TRMU: variants seen among roughly 807,000 people sequenced by gnomAD.
The protein encoded by TRMU is mitochondrial tRNA-specific 2-thiouridylase 1.
TRMU carries 49 observed loss-of-function variants against 46.9 expected under a neutral mutation model. That is an observed-to-expected ratio of 1.05 (90% CI 0.83 to 1.33). The LOEUF (loss-of-function observed/expected upper bound fraction) is 1.33, where lower values mean the gene tolerates loss of function less well. Among genes scored for constraint, TRMU ranks in the 40% most tolerant of loss-of-function variants. The probability of loss-of-function intolerance (pLI) is 0.00; values close to 1 mark genes in which losing one functional copy is unlikely to be tolerated. For missense variants in TRMU, 572 were observed against 532.4 expected, an observed-to-expected ratio of 1.07 and a Z score of -0.73; for synonymous variants, 241 against 200.9, an observed-to-expected ratio of 1.20 and a Z score of -1.69.
rs1369004612 is a variant in TRMU, at chr22:46,349,744, CA to C, written c.479-545del. ...CCTAACAGATGTCAGCTGAGACTCT[CA>C]ACAAAAAAACGTTTTTACCAAGAAA... is the stretch of plus-strand genomic sequence containing the variant. On this transcript the variant is annotated intron_variant, in intron 4 of 10. Coordinates refer to ENST00000645190, the MANE Select transcript of TRMU (RefSeq NM_018006.5). The surrounding 1 kb of genome is among the most constrained non-coding windows in gnomAD (Gnocchi z 4.6). Among the ~76,000 whole-genome samples the C allele has an allele frequency of 6.6e-6, 1 of 152,040 alleles. No homozygotes were observed. Among genetic ancestry groups the C allele is most frequent in the Admixed American group, 6.5e-5 (1 of 15,276 alleles).
chr22:46,349,569 G>A lies in TRMU; in HGVS notation c.479-722G>A, dbSNP rs973179469. On this transcript the variant is annotated intron_variant, in intron 4 of 10. Transcript: ENST00000645190. This position sits in a 1 kb window ranked among gnomAD's most constrained non-coding sequence, Gnocchi z 4.6. The stretch of plus-strand genomic sequence containing the variant: ...GAAAGAAGCCAGAAAACTGACGTTC[G>A]TCTTAGTTTTTTGCCATTGATCATT... 3.3e-5 allele frequency among the ~76,000 whole-genome samples: 5 copies of A among 152,206 alleles called. No homozygotes were observed. The highest frequency in any genetic ancestry group is 9.6e-5 in the African/African-American group (4 of 41,454).
intron 10 of TRMU, 136 bp downstream of exon 10, chr22:46,356,208 GCCACCAGCCCTGCCCTGGGGGCTCCTC>G: frequency 2.2e-6 from 2 of 921,458 alleles, no homozygotes; most frequent in Non-Finnish European, 3.4e-6. Flanking sequence ...AGGGCAGAGT[GCCACCAGCCCTGCCCTGGGGGCTCCTC>G]CCACAGTGAC....
chr22:46,356,153 G>A (rs1360317210), intron 10 of TRMU, 81 bp downstream of exon 10: 2 of 1,528,874 alleles, frequency 1.3e-6, no homozygotes, highest in African/African-American at 1.4e-5. Context: ...CAGAGGAAGG[G>A]GCTGAGGCCC....
At chr22:46,352,065 C>G in intron 5 of TRMU, 56 bp from the exon 6 acceptor site, 2 of 1,597,614 alleles carry the variant, frequency 1.3e-6, no homozygotes, top group South Asian at 2.2e-5. Flanking sequence ...CGTCTGGGTA[C>G]AGCTTGGGCC....
At chr22:46,356,148 G>T (rs1163877073) in intron 10 of TRMU, 76 bp downstream of exon 10, 57 of 1,553,856 alleles carry the variant, frequency 3.7e-5, no homozygotes, top group Non-Finnish European at 4.9e-5. Context: ...GGTTACAGAG[G>T]AAGGGGCTGA....
rs777781494 is a variant in TRMU at position 46,335,783 on chromosome 22, G to C, written c.19G>C (p.Val7Leu). 5.1e-6 allele frequency: 8 copies of C among 1,557,016 alleles called. No individual in the cohort carries two copies. The highest frequency in any genetic ancestry group is 1.4e-5 in the African/African-American group (1 of 73,494). MQALRH[V>L]VCALSGGVDS... is the part of the protein sequence containing the mutation. Reference sequence around the variant, plus strand: ...CTGGCGGATGCAGGCCTTGCGGCACGTCGTGTGCGCCCTGTCCGGCGGCGT... The same window carrying C: ...CTGGCGGATGCAGGCCTTGCGGCACCTCGTGTGCGCCCTGTCCGGCGGCGT... Residue 7 changes from valine (V) to leucine (L), a missense_variant, in exon 1 of 11, where the codon GTC becomes CTC. By Grantham distance (32) the Val-to-Leu change is conservative. Coordinates refer to ENST00000645190, the MANE Select transcript of TRMU (RefSeq NM_018006.5).
Position 46,346,420 on chromosome 22 carries a change from A to G in TRMU, c.356-2A>G, listed in dbSNP as rs148262493. Reference sequence around the variant, plus strand: ...GATCCTTGTGTTCTAAAAACCTCACAGGGGCAGATGCCATTGCCACAGGTC... The same window carrying G: ...GATCCTTGTGTTCTAAAAACCTCACGGGGGCAGATGCCATTGCCACAGGTC... On this transcript the variant is annotated splice_acceptor_variant, in intron 3 of 10. Transcript: ENST00000645190. LOFTEE classifies it high-confidence loss of function. 2 of 1,612,186 alleles carry G rather than the reference A, an allele frequency of 1.2e-6. No homozygotes were observed. The highest frequency in any genetic ancestry group is 1.7e-5 in the Admixed American group (1 of 59,874).
At position 46,338,038 on chromosome 22, in the gene TRMU, G is replaced by T. The variant is rs2078026758; in HGVS notation, c.248+94G>T. 6.5e-7 allele frequency: 1 copy of T among 1,535,340 alleles called. No individual in the cohort carries two copies. The highest frequency in any genetic ancestry group is 1.4e-5 in the African/African-American group (1 of 73,404). On this transcript the variant is annotated intron_variant, in intron 2 of 10. Coordinates refer to ENST00000645190, the MANE Select transcript of TRMU (RefSeq NM_018006.5). The surrounding 1 kb of genome is among the most constrained non-coding windows in gnomAD (Gnocchi z 4.5). Reference sequence around the variant, plus strand: ...AACCAGCCAGACCGACGCCTGTGCTGCAGCCCAGCGCTCTCCCTCCACGGT... The same window carrying T: ...AACCAGCCAGACCGACGCCTGTGCTTCAGCCCAGCGCTCTCCCTCCACGGT...
In TRMU at chr22:46,349,551, G is replaced by A. The variant is rs147220234; in HGVS notation, c.479-740G>A. Among the ~76,000 whole-genome samples the A allele has an allele frequency of 1.0e-3, 153 of 152,330 alleles. No individual in the cohort carries two copies. The Middle Eastern group carries it at 0.017, about 17-fold the overall frequency. On this transcript the variant is annotated intron_variant, in intron 4 of 10. Transcript: ENST00000645190. The surrounding 1 kb of genome is among the most constrained non-coding windows in gnomAD (Gnocchi z 4.6). ...AAGTTTATGAGAAAGATTGAAAGAA[G>A]CCAGAAAACTGACGTTCGTCTTAGT...
rs1351077111 is a variant in TRMU at position 46,349,783 on chromosome 22, A to G, written c.479-508A>G. The stretch of plus-strand genomic sequence containing the variant: ...TTTTACCAAGAAAGCTAATGCCTTC[A>G]CAGGTAGGGCGCTGCTGGAGGCATG... On this transcript the variant is annotated intron_variant, in intron 4 of 10. Coordinates refer to ENST00000645190, the MANE Select transcript of TRMU (RefSeq NM_018006.5). This position sits in a 1 kb window ranked among gnomAD's most constrained non-coding sequence, Gnocchi z 4.6. Among the ~76,000 whole-genome samples, 1 of 152,214 alleles carries G rather than the reference A, an allele frequency of 6.6e-6. No individual in the cohort carries two copies. Among genetic ancestry groups the G allele is most frequent in the Non-Finnish European group, 1.5e-5 (1 of 68,042 alleles).
chr22:46,335,838 G>A lies in TRMU; in HGVS notation c.74G>A (p.Arg25Lys), dbSNP rs1569057032. The stretch of plus-strand genomic sequence containing the variant: ...AGCGCCGTGGCCGCGCTGCTGCTGA[G>A]GCGGAGAGGTGAGGCGTCCGAGGCT... ...VDSAVAALLL[R>K]RRGYQVTGVF... The change falls in exon 1 of 11, where the codon AGG becomes AAG. Residue 25 changes from arginine (R) to lysine (K), a missense_variant. Arg to Lys is a conservative substitution (Grantham distance 26). Transcript: ENST00000645190. 3 of 1,551,226 alleles carry A rather than the reference G, an allele frequency of 1.9e-6. No individual in the cohort carries two copies. The highest frequency in any genetic ancestry group is 2.6e-6 in the Non-Finnish European group (3 of 1,154,438).
chr22:46,355,798 G>A (rs577436912), intron 9 of TRMU, 192 bp from the exon 10 acceptor site: 126 of 1,036,812 alleles, frequency 1.2e-4, no homozygotes, highest in Non-Finnish European at 1.6e-4. Flanking sequence ...AGGCCCCGGC[G>A]TGTTGGGCTG....
At chr22:46,340,817 G>C (rs948493338) in intron 2 of TRMU, among the ~76,000 whole-genome samples, 1 of 152,232 alleles carries the variant, frequency 6.6e-6, no homozygotes, top group Admixed American at 6.5e-5. Context: ...GCCTTCTGGC[G>C]CTGCTTGATA....
In TRMU at chr22:46,338,030, C is replaced by G. The variant is rs1299141625; in HGVS notation, c.248+86C>G. The stretch of plus-strand genomic sequence containing the variant: ...GATCCGGTAACCAGCCAGACCGACG[C>G]CTGTGCTGCAGCCCAGCGCTCTCCC... On this transcript the variant is annotated intron_variant, in intron 2 of 10. Transcript: ENST00000645190. This position sits in a 1 kb window ranked among gnomAD's most constrained non-coding sequence, Gnocchi z 4.5. The G allele has an allele frequency of 1.0e-5, 16 of 1,574,872 alleles. No homozygotes were observed. Among genetic ancestry groups the G allele is most frequent in the Non-Finnish European group, 1.4e-5 (16 of 1,146,842 alleles).
rs1382976355 is a variant in TRMU at position 46,350,743 on chromosome 22, T to C, written c.651+280T>C. On this transcript the variant is annotated intron_variant, in intron 5 of 10. Coordinates refer to ENST00000645190, the MANE Select transcript of TRMU (RefSeq NM_018006.5). This position sits in a 1 kb window ranked among gnomAD's most constrained non-coding sequence, Gnocchi z 4.6. ...ACAGCCTTAGCAGCTGGTGGGGTGC[T>C]CTTGGGATGGCCTGCCTGCCAGGTG... 6.6e-6 allele frequency among the ~76,000 whole-genome samples: 1 copy of C among 152,178 alleles called. No individual in the cohort carries two copies. Among genetic ancestry groups the C allele is most frequent in the Non-Finnish European group, 1.5e-5 (1 of 68,028 alleles).
At chr22:46,341,250 C>G (rs1431825575) in intron 2 of TRMU, among the ~76,000 whole-genome samples, 1 of 152,210 alleles carries the variant, frequency 6.6e-6, no homozygotes, top group East Asian at 1.9e-4. Flanking sequence ...TTTTAATGTT[C>G]AGCCTCTTCA....
At chr22:46,352,047 G>T (rs371116918) in intron 5 of TRMU, 74 bp from the exon 6 acceptor site, 3 of 1,554,172 alleles carry the variant, frequency 1.9e-6, no homozygotes, top group Non-Finnish European at 2.7e-6. Flanking sequence ...CCCAGGGCCC[G>T]CTCAGGACGT....
chr22:46,338,111 T>TA lies in TRMU; in HGVS notation c.248+168dup, dbSNP rs2078028631. ...CTCAGCCACCCTCGGGGCTCTGTGT[T>TA]AGAGGCGAGGCCTGGACCCCACAGC... On this transcript the variant is annotated intron_variant, in intron 2 of 10. Transcript: ENST00000645190. The surrounding 1 kb of genome is among the most constrained non-coding windows in gnomAD (Gnocchi z 4.5). 3 of 894,996 alleles carry TA rather than the reference T, an allele frequency of 3.4e-6. No individual in the cohort carries two copies. Among genetic ancestry groups the TA allele is most frequent in the Non-Finnish European group, 5.3e-6 (3 of 563,802 alleles). 55.4% of individuals were successfully genotyped at this position (894,996 alleles called of 1,614,324 possible). A position where few individuals can be genotyped will look rare whatever the true frequency, so the allele number is the denominator to read the frequency against.
At chr22:46,356,469 A>C (rs2078612041) in intron 10 of TRMU, 2 of 412,658 alleles carry the variant, frequency 4.8e-6, no homozygotes, top group Admixed American at 3.7e-5. Context: ...CTCCAGGGGC[A>C]GGTGGTGGGA....
Sources: allele counts gnomAD v4.1 joint callset (sites outside exome capture counted in the v4.1 genomes callset), GRCh38; gene constraint gnomAD v4.1.1; non-coding constraint Gnocchi (gnomAD v3.1); transcripts MANE v1.5; gene names NCBI Gene and HGNC (gene_info 2026-07-23, HGNC 2026-07-21).